Variants in SCN9A observed in about 807,000 individuals in gnomAD.
SCN9A encodes sodium voltage-gated channel alpha subunit 9.
Under a neutral mutation model 187.0 loss-of-function variants are expected in SCN9A, and 131 were observed. The ratio of observed to expected loss-of-function variants is 0.70; its 90% CI spans 0.61 to 0.81. The LOEUF (loss-of-function observed/expected upper bound fraction) is 0.81, where lower values mean the gene tolerates loss of function less well. Among genes scored for constraint, SCN9A ranks in the 30% least tolerant of loss-of-function variants. The pLI is 0.00. For synonymous variants in SCN9A, 809 were observed against 808.6 expected (o/e 1.00, Z -0.01); for missense variants, 2,252 against 2,396.6 (o/e 0.94, Z 1.26).
At chr2:166,374,889 A>G (rs1700651816) in intron 1 of SCN9A, among the ~76,000 whole-genome samples, 1 of 151,978 alleles carries the variant, frequency 6.6e-6, no homozygotes, top group Non-Finnish European at 1.5e-5. Flanking sequence ...TTAACATCAG[A>G]GTAGATATAA....
chr2:166,326,866 A>G (rs2105256308), intron 1 of SCN9A, among the ~76,000 whole-genome samples: 1 of 152,248 alleles, frequency 6.6e-6, no homozygotes, highest in East Asian at 1.9e-4. Context: ...CACTTTGCTT[A>G]AATAACATCC....
chr2:166,265,781 A>C lies in SCN9A; in HGVS notation c.3351+6618T>G, dbSNP rs118105529. Among the ~76,000 whole-genome samples, 23 of 151,990 alleles carry C rather than the reference A, an allele frequency of 1.5e-4. No homozygotes were observed. In the East Asian group the frequency reaches 4.5e-3, roughly 30 times the overall value. ...TTAACTAGGGTGAGGAGATACCTCAAGATAGGTTTGATTTGCATTTCCCTG... is the reference window on the plus strand; with the variant it reads ...TTAACTAGGGTGAGGAGATACCTCACGATAGGTTTGATTTGCATTTCCCTG... On this transcript the variant is annotated intron_variant, in intron 17 of 26. Transcript: ENST00000642356.
chr2:166,374,086 T>C (rs114319629), intron 1 of SCN9A, among the ~76,000 whole-genome samples: 2,937 of 152,294 alleles, frequency 0.019, 49 homozygotes, highest in Non-Finnish European at 0.031. Context: ...CCCATGATTA[T>C]ATGCAGGCCC....
chr2:166,364,907 AAGAGAACAAAATCAC>A (rs915875347), intron 1 of SCN9A, among the ~76,000 whole-genome samples: 3 of 152,188 alleles, frequency 2.0e-5, no homozygotes, highest in African/African-American at 7.2e-5. Flanking sequence ...AAGAGTCAGT[AAGAGAACAAAATCAC>A]AGCAGTTAGC....
chr2:166,245,996 C>T (rs1695771238), intron 18 of SCN9A, among the ~76,000 whole-genome samples: 1 of 151,888 alleles, frequency 6.6e-6, no homozygotes, highest in African/African-American at 2.4e-5. Context: ...TAATTTCCAG[C>T]TCTATAGAAA....
In SCN9A at chr2:166,284,581, C is replaced by T. The variant is rs201338643; in HGVS notation, c.1846G>A (p.Gly616Arg). The change falls in exon 12 of 27, where the codon GGG becomes AGG. Residue 616 changes from glycine (G) to arginine (R), a missense_variant. Gly to Arg is a moderately radical substitution (Grantham distance 125, BLOSUM62 -2). Transcript: ENST00000642356. ...SRSPPMLPVN[G>R]KMHSAVDCNG... ...CAGTCCACAGCACTGTGCATTTTCC[C>T]GTTCACCGGCAGCATTGGTGGGGAC... The T allele has an allele frequency of 9.6e-5, 155 of 1,613,968 alleles. No homozygotes were observed. Among genetic ancestry groups the T allele is most frequent in the Non-Finnish European group, 1.2e-4 (145 of 1,179,968 alleles).
chr2:166,202,760 T>C (rs1311227883), intron 26 of SCN9A, among the ~76,000 whole-genome samples: 1 of 151,768 alleles, frequency 6.6e-6, no homozygotes, highest in Non-Finnish European at 1.5e-5. Flanking sequence ...GATTTTCTAA[T>C]TTTTTTCATG....
intron 7 of SCN9A, among the ~76,000 whole-genome samples, chr2:166,299,347 C>T (rs896076865): frequency 6.6e-6 from 1 of 150,802 alleles, no homozygotes; most frequent in Non-Finnish European, 1.5e-5. Flanking sequence ...TTACCTTGAA[C>T]CCTACCACTT....
rs146330125 is a variant in SCN9A, at chr2:166,339,301, A to G, written c.-50-27495T>C. On this transcript the variant is annotated intron_variant, in intron 1 of 26. Transcript: ENST00000642356. ...GGTCTTAACTTTCTTAAAGGCACAA[A>G]CAAGTAATAGCTGACTCTCTGATAT... is the stretch of plus-strand genomic sequence containing the variant. 8.3e-4 allele frequency among the ~76,000 whole-genome samples: 127 copies of G among 152,272 alleles called. 2 individuals carry two copies. The East Asian group carries it at 0.019, about 23-fold the overall frequency.
In SCN9A at chr2:166,280,352, C is replaced by A; in HGVS notation, c.2343+5G>T. The A allele has an allele frequency of 6.7e-7, 1 of 1,491,428 alleles. No individual in the cohort carries two copies. The highest frequency in any genetic ancestry group is 9.2e-7 in the Non-Finnish European group (1 of 1,087,488). 92.4% of individuals were successfully genotyped at this position (1,491,428 alleles called of 1,614,324 possible). A position where few individuals can be genotyped will look rare whatever the true frequency, so the allele number is the denominator to read the frequency against. On this transcript the variant is annotated splice_donor_5th_base_variant and intron_variant, in intron 14 of 26. Transcript: ENST00000642356. ...TGAGTACATAACACACAATAAGAGA[C>A]TTACCAAATTTCCTATAGCAAGTAC...
intron 19 of SCN9A, 65 bp from the exon 20 acceptor site, chr2:166,238,332 A>C (rs1695412670): frequency 9.1e-7 from 1 of 1,092,926 alleles, no homozygotes; most frequent in Non-Finnish European, 1.3e-6. Context: ...TTTAAAAAAA[A>C]CAGGAAAAAT....
chr2:166,352,010 C>T (rs1347693841), intron 1 of SCN9A, among the ~76,000 whole-genome samples: 1 of 152,004 alleles, frequency 6.6e-6, no homozygotes, highest in Admixed American at 6.6e-5. Flanking sequence ...AATAGACTTC[C>T]CTATTGTCTT....
At chr2:166,249,086 C>A (rs370707234) in intron 18 of SCN9A, among the ~76,000 whole-genome samples, 1 of 152,062 alleles carries the variant, frequency 6.6e-6, no homozygotes, top group Non-Finnish European at 1.5e-5. Flanking sequence ...CTTCATTACT[C>A]TGCCTAAAAT....
At position 166,199,543 on chromosome 2, in the gene SCN9A, C is replaced by A. The variant is rs761880427; in HGVS notation, c.5096G>T (p.Gly1699Val). Reference protein sequence around the residue: ...ICLFQITTSAGWDGLLAPILN... With the variant: ...ICLFQITTSAVWDGLLAPILN... ...AATAGGTGCTAGCAATCCATCCCAG[C>A]CAGCAGAGGTTGTAATTTGGAACAG... Residue 1699 changes from glycine (G) to valine (V), a missense_variant, in exon 27 of 27, where the codon GGC becomes GTC. By Grantham distance (109) the Gly-to-Val change is moderately radical. Transcript: ENST00000642356. 6.2e-7 allele frequency: 1 copy of A among 1,614,186 alleles called. No homozygotes were observed. The highest frequency in any genetic ancestry group is 1.7e-5 in the Admixed American group (1 of 60,020).
At chr2:166,257,753 CA>C (rs1696341108) in intron 17 of SCN9A, among the ~76,000 whole-genome samples, 2 of 151,264 alleles carry the variant, frequency 1.3e-5, no homozygotes, top group African/African-American at 4.8e-5. Context: ...ATAGCTTTCT[CA>C]AAAATTATAT....
rs1214460947 is a variant in SCN9A at position 166,199,529 on chromosome 2, G to A, written c.5110C>T (p.Leu1704=). The A allele has an allele frequency of 1.9e-6, 3 of 1,614,194 alleles. No homozygotes were observed. The highest frequency in any genetic ancestry group is 2.5e-6 in the Non-Finnish European group (3 of 1,180,024). Residue 1704 remains leucine, a synonymous_variant, in exon 27 of 27, where the codon CTA becomes TTA. Transcript: ENST00000642356. The part of the protein sequence containing the change: ...ITTSAGWDGL[L]APILNSKPPD... ...GGCTTACTGTTAAGAATAGGTGCTA[G>A]CAATCCATCCCAGCCAGCAGAGGTT...
At chr2:166,305,713 A>G (rs1392964057) in intron 5 of SCN9A, 79 bp downstream of exon 5, 4 of 1,574,292 alleles carry the variant, frequency 2.5e-6, no homozygotes, top group Non-Finnish European at 3.5e-6. Context: ...ATCAGACCCC[A>G]GAGGTTTGCT....
At chr2:166,322,071 A>G (rs186460536) in intron 1 of SCN9A, among the ~76,000 whole-genome samples, 2 of 152,334 alleles carry the variant, frequency 1.3e-5, no homozygotes, top group East Asian at 3.9e-4. Flanking sequence ...ACATTCAAAA[A>G]GAAAGGACAA....
At chr2:166,220,916 C>A (rs1694557135) in intron 24 of SCN9A, among the ~76,000 whole-genome samples, 1 of 151,982 alleles carries the variant, frequency 6.6e-6, no homozygotes, top group Non-Finnish European at 1.5e-5. Context: ...CTAAAGACTC[C>A]ACACATCAGG....
Sources: allele counts gnomAD v4.1 joint callset (sites outside exome capture counted in the v4.1 genomes callset), GRCh38; gene constraint gnomAD v4.1.1; transcripts MANE v1.5; gene names NCBI Gene and HGNC (gene_info 2026-07-23, HGNC 2026-07-21).